The following ZNF536 variants were observed in gnomAD, a reference collection of about 807,000 sequenced individuals.
ZNF536 encodes zinc finger protein 536.
ZNF536 carries 13 observed loss-of-function variants against 84.5 expected under a neutral mutation model. The ratio of observed to expected loss-of-function variants is 0.15; its 90% CI spans 0.10 to 0.24. The LOEUF is 0.24. Among genes scored for constraint, ZNF536 ranks in the 10% least tolerant of loss-of-function variants. ZNF536 has a pLI of 1.00. For missense variants in ZNF536, 1,536 were observed against 1,747.5 expected, an observed-to-expected ratio of 0.88 and a Z score of 2.16; for synonymous variants, 811 against 742.5, an observed-to-expected ratio of 1.09 and a Z score of -1.50.
rs1195244580 is a variant in ZNF536, at chr19:30,545,483, C to T, written c.2324-2460C>T. Among the ~76,000 whole-genome samples the T allele has an allele frequency of 1.6e-4, 23 of 148,340 alleles. No individual in the cohort carries two copies. The East Asian group carries it at 2.0e-3, about 13-fold the overall frequency. On this transcript the variant is annotated intron_variant, in intron 3 of 4. Transcript: ENST00000355537. Reference sequence around the variant, plus strand: ...CGCCATCTCGGCTCACTGCAAGCTCCGCCTCCCGGGTTTACGCCATTCTCC... The same window carrying T: ...CGCCATCTCGGCTCACTGCAAGCTCTGCCTCCCGGGTTTACGCCATTCTCC...
At chr19:30,249,771 A>C (rs1186887586) in intron 1 of ZNF536, among the ~76,000 whole-genome samples, 1 of 152,146 alleles carries the variant, frequency 6.6e-6, no homozygotes, top group African/African-American at 2.4e-5. Context: ...GCTGTGGCCA[A>C]GCTATTGCCT....
intron 3 of ZNF536, among the ~76,000 whole-genome samples, chr19:30,541,394 G>A (rs74662959): frequency 0.024 from 3,311 of 139,162 alleles, 106 homozygotes; most frequent in African/African-American, 0.08. Context: ...CCTGAGTAAT[G>A]ATGAAAAAAA....
At chr19:30,308,551 G>A (rs1321529534) in intron 2 of ZNF536, among the ~76,000 whole-genome samples, 1 of 152,136 alleles carries the variant, frequency 6.6e-6, no homozygotes. Context: ...AGGGCAGTGA[G>A]GGAGGGGATG....
intron 2 of ZNF536, among the ~76,000 whole-genome samples, chr19:30,520,064 G>A (rs2044256003): frequency 6.6e-6 from 1 of 152,140 alleles, no homozygotes. Context: ...GCCTGGGGCT[G>A]GTGTTTGGGG....
intron 1 of ZNF536, among the ~76,000 whole-genome samples, chr19:30,687,064 A>G (rs1351116258): frequency 6.6e-6 from 1 of 152,192 alleles, no homozygotes; most frequent in Non-Finnish European, 1.5e-5. Flanking sequence ...GGAGATAGCA[A>G]GACTGTGATA....
chr19:30,378,884 C>T (rs1405193714), intron 1 of ZNF536, among the ~76,000 whole-genome samples: 2 of 152,172 alleles, frequency 1.3e-5, no homozygotes, highest in African/African-American at 2.4e-5. Context: ...GTGTGCAAAA[C>T]GCTGTGCCAG....
intron 2 of ZNF536, among the ~76,000 whole-genome samples, chr19:30,460,983 C>T (rs1268416265): frequency 2.6e-5 from 4 of 152,202 alleles, no homozygotes; most frequent in African/African-American, 2.4e-5. Context: ...TACATTTGTC[C>T]TCACTCTGAA....
intron 1 of ZNF536, among the ~76,000 whole-genome samples, chr19:30,655,748 T>C (rs1032867386): frequency 6.6e-6 from 1 of 152,190 alleles, no homozygotes; most frequent in African/African-American, 2.4e-5. Flanking sequence ...CGGTTAAAAT[T>C]CCCTGTTCAT....
At chr19:30,487,247 G>A (rs573104934) in intron 2 of ZNF536, among the ~76,000 whole-genome samples, 31 of 152,220 alleles carry the variant, frequency 2.0e-4, no homozygotes, top group Admixed American at 4.6e-4. Context: ...TTATAACATC[G>A]TTTAAAATGC....
chr19:30,541,543 A>T (rs926136775), intron 3 of ZNF536, among the ~76,000 whole-genome samples: 4 of 152,182 alleles, frequency 2.6e-5, no homozygotes, highest in Non-Finnish European at 5.9e-5. Context: ...TCCTGCCTTA[A>T]TGACATCCTA....
chr19:30,700,589 A>G (rs981339111), intron 1 of ZNF536, among the ~76,000 whole-genome samples: 2 of 151,868 alleles, frequency 1.3e-5, no homozygotes, highest in African/African-American at 2.4e-5. Context: ...GGCTTATTAT[A>G]TTGTCCAGGC....
chr19:30,520,301 G>T (rs111529098), intron 2 of ZNF536, among the ~76,000 whole-genome samples: 7,268 of 152,254 alleles, frequency 0.048, 500 homozygotes, highest in African/African-American at 0.15. Flanking sequence ...GAGCCAGCCA[G>T]GGGGCTTCCC....
At chr19:30,333,326 G>A (rs1028437141) in intron 2 of ZNF536, among the ~76,000 whole-genome samples, 2 of 152,182 alleles carry the variant, frequency 1.3e-5, no homozygotes, top group Non-Finnish European at 2.9e-5. Context: ...AGACGTCCGG[G>A]AGTTGCAAGG....
At chr19:30,297,906 C>A (rs1193241648) in intron 2 of ZNF536, among the ~76,000 whole-genome samples, 1 of 149,340 alleles carries the variant, frequency 6.7e-6, no homozygotes, top group East Asian at 2.0e-4. Flanking sequence ...GACGGAGTCC[C>A]CCCCCCCTCT....
chr19:30,411,387 T>C (rs1600623617), intron 1 of ZNF536, among the ~76,000 whole-genome samples: 1 of 152,210 alleles, frequency 6.6e-6, no homozygotes, highest in East Asian at 1.9e-4. Context: ...CTTTGGAATA[T>C]AGTTAAAGAT....
intron 2 of ZNF536, among the ~76,000 whole-genome samples, chr19:30,484,082 C>T (rs1376510437): frequency 6.6e-6 from 1 of 152,096 alleles, no homozygotes; most frequent in East Asian, 1.9e-4. Context: ...CTGGTGCACC[C>T]TGCCCCATCG....
Position 30,462,568 on chromosome 19 carries a change from G to GTAT in ZNF536, c.2170+16836_2170+16837insTAT, listed in dbSNP as rs1276519630. 8.3e-4 allele frequency among the ~76,000 whole-genome samples: 127 copies of GTAT among 152,266 alleles called. 2 individuals carry two copies. The highest frequency in any genetic ancestry group is 1.1e-3 in the Non-Finnish European group (77 of 68,022). ...GAGTATGTGTATTGATGTGTGCACA[G>GTAT]GTGACAGTGACTTGGGATGTGAATG... On this transcript the variant is annotated intron_variant, in intron 2 of 4. Transcript: ENST00000355537.
rs571559765 is a variant in ZNF536, at chr19:30,543,762, C to T, written c.2324-4181C>T. ...TGGTTGCTGCCCCACCCCGTCTAGG[C>T]CAACGTTGTAAGTAGTTTGCCTCCT... On this transcript the variant is annotated intron_variant, in intron 3 of 4. Coordinates refer to ENST00000355537, the MANE Select transcript of ZNF536 (RefSeq NM_014717.3). Among the ~76,000 whole-genome samples the T allele has an allele frequency of 7.9e-5, 12 of 152,320 alleles. No homozygotes were observed. In the East Asian group the frequency reaches 1.3e-3, roughly 17 times the overall value.
chr19:30,387,397 G>A (rs1301407613), intron 1 of ZNF536, among the ~76,000 whole-genome samples: 1 of 152,224 alleles, frequency 6.6e-6, no homozygotes, highest in Non-Finnish European at 1.5e-5. Context: ...ACCCCATTCA[G>A]GGAGGCTGAT....
Sources: gnomAD v4.1 joint callset for allele counts (sites outside exome capture counted in the v4.1 genomes callset) on GRCh38, gnomAD v4.1.1 for gene constraint, MANE v1.5 for transcripts, NCBI Gene and HGNC (gene_info 2026-07-23, HGNC 2026-07-21) for gene names.